The following RFTN2 variants were observed in gnomAD, a reference collection of about 807,000 sequenced individuals.
RFTN2 encodes raftlin-2.
In RFTN2, 34 loss-of-function variants were observed where a neutral mutation model predicts 52.7. The ratio of observed to expected loss-of-function variants is 0.64; its 90% CI spans 0.49 to 0.86. The LOEUF (loss-of-function observed/expected upper bound fraction) is 0.86. Ranked by LOEUF, RFTN2 falls within the 40% of genes least tolerant of loss-of-function variation. The pLI is 0.00. For synonymous variants in RFTN2, 203 were observed against 217.7 expected (o/e 0.93, Z 0.59); for missense variants, 536 against 600.1 (o/e 0.89, Z 1.12).
intron 3 of RFTN2, 76 bp from the exon 4 acceptor site, chr2:197,634,073 G>T: frequency 1.6e-6 from 2 of 1,254,644 alleles, no homozygotes; most frequent in Admixed American, 2.4e-5. Context: ...TAACCTTTAG[G>T]CTTATTGAGG....
Position 197,590,960 on chromosome 2 carries a change from A to C in RFTN2, c.1233+5031T>G, listed in dbSNP as rs576348423. Reference sequence around the variant, plus strand: ...GGGAAGACGAGCCCAGCAGGTTGCCACTGCTGGCTGAGGCAGCCTGCTTTT... The same window carrying C: ...GGGAAGACGAGCCCAGCAGGTTGCCCCTGCTGGCTGAGGCAGCCTGCTTTT... On this transcript the variant is annotated intron_variant, in intron 8 of 8. Coordinates refer to ENST00000295049, the MANE Select transcript of RFTN2 (RefSeq NM_144629.3). Among the ~76,000 whole-genome samples the C allele has an allele frequency of 2.0e-5, 3 of 152,208 alleles. No homozygotes were observed. In the East Asian group the frequency reaches 5.8e-4, roughly 29 times the overall value.
intron 6 of RFTN2, 87 bp from the exon 7 acceptor site, chr2:197,616,066 G>A (rs2088136381): frequency 1.3e-6 from 1 of 748,678 alleles, no homozygotes; most frequent in African/African-American, 1.7e-5. Context: ...GTGTTAGGAT[G>A]AGGGGAGTTC....
At chr2:197,587,264 C>T (rs1054115242) in intron 8 of RFTN2, among the ~76,000 whole-genome samples, 8 of 152,178 alleles carry the variant, frequency 5.3e-5, no homozygotes, top group African/African-American at 1.4e-4. Flanking sequence ...AAACATCGCC[C>T]ATTATCTCTC....
intron 2 of RFTN2, 26 bp downstream of exon 2, chr2:197,646,457 G>T: frequency 1.3e-6 from 2 of 1,573,866 alleles, no homozygotes; most frequent in Middle Eastern, 1.7e-4. Context: ...ACCCTCACCT[G>T]CCTCTTTCTT....
At chr2:197,639,536 T>C (rs2106243596) in intron 3 of RFTN2, among the ~76,000 whole-genome samples, 1 of 139,688 alleles carries the variant, frequency 7.2e-6, no homozygotes, top group East Asian at 2.1e-4. Flanking sequence ...TCGCATTGGC[T>C]CCTGAGGCTT....
At chr2:197,634,703 T>A (rs541383637) in intron 3 of RFTN2, among the ~76,000 whole-genome samples, 77 of 144,904 alleles carry the variant, frequency 5.3e-4, no homozygotes, top group Admixed American at 4.1e-4. Context: ...TTTTTTATTT[T>A]TTTTTTATTT....
intron 1 of RFTN2, among the ~76,000 whole-genome samples, chr2:197,656,673 T>C (rs949730601): frequency 2.0e-5 from 3 of 152,180 alleles, no homozygotes; most frequent in Admixed American, 2.0e-4. Flanking sequence ...TCCAAAAATA[T>C]GGCCTCGTTC....
chr2:197,594,015 C>CTT (rs11352058), intron 8 of RFTN2, among the ~76,000 whole-genome samples: 10 of 95,982 alleles, frequency 1.0e-4, no homozygotes, highest in South Asian at 3.6e-4. Flanking sequence ...CAGAATATTT[C>CTT]TTTTTTTTTT....
Position 197,582,549 on chromosome 2 carries a change from C to T in RFTN2, c.1234-10269G>A, listed in dbSNP as rs184598672. ...GTATCTTCCACATCTATCATTGAGG[C>T]TACCACTCTGCCCCCCTCCACTACC... On this transcript the variant is annotated intron_variant, in intron 8 of 8. Transcript: ENST00000295049. Among the ~76,000 whole-genome samples the T allele has an allele frequency of 3.7e-3, 571 of 152,320 alleles. 41 individuals are homozygous for T. The East Asian group carries it at 0.1, about 28-fold the overall frequency.
intron 3 of RFTN2, among the ~76,000 whole-genome samples, chr2:197,639,327 CAG>C (rs1363756199): frequency 1.3e-5 from 2 of 150,032 alleles, no homozygotes; most frequent in Non-Finnish European, 3.0e-5. Context: ...TAATATCCTG[CAG>C]AGTGTTTTCC....
intron 1 of RFTN2, among the ~76,000 whole-genome samples, chr2:197,664,883 G>A (rs2089029594): frequency 6.6e-6 from 1 of 152,180 alleles, no homozygotes; most frequent in African/African-American, 2.4e-5. Flanking sequence ...TGAAGTTGTT[G>A]GATAAATGTT....
chr2:197,655,877 T>C (rs1326322567), intron 1 of RFTN2, among the ~76,000 whole-genome samples: 1 of 152,174 alleles, frequency 6.6e-6, no homozygotes, highest in Non-Finnish European at 1.5e-5. Flanking sequence ...TACATTAATA[T>C]TCAACTGTTT....
At chr2:197,631,884 G>T (rs1189690212) in intron 4 of RFTN2, among the ~76,000 whole-genome samples, 2 of 152,066 alleles carry the variant, frequency 1.3e-5, no homozygotes, top group Admixed American at 6.6e-5. Context: ...TAACATCACC[G>T]GTATGACAGA....
chr2:197,638,158 A>C (rs2088600452), intron 3 of RFTN2, among the ~76,000 whole-genome samples: 2 of 140,638 alleles, frequency 1.4e-5, no homozygotes, highest in Non-Finnish European at 3.1e-5. Flanking sequence ...TTTACTTCCA[A>C]CTATGTGGTC....
At chr2:197,591,938 C>T (rs2087722231) in intron 8 of RFTN2, among the ~76,000 whole-genome samples, 1 of 152,050 alleles carries the variant, frequency 6.6e-6, no homozygotes, top group South Asian at 2.1e-4. Flanking sequence ...CCACGCCTCT[C>T]CCTCCACCCC....
chr2:197,608,449 C>G (rs1003962651), intron 7 of RFTN2, among the ~76,000 whole-genome samples: 1 of 151,456 alleles, frequency 6.6e-6, no homozygotes, highest in African/African-American at 2.4e-5. Context: ...GTAGCTGGAA[C>G]TACAGGTGCA....
intron 8 of RFTN2, among the ~76,000 whole-genome samples, chr2:197,587,781 C>T (rs1281367952): frequency 6.6e-6 from 1 of 152,228 alleles, no homozygotes; most frequent in Non-Finnish European, 1.5e-5. Context: ...CTACCCCACC[C>T]TCATTTCACA....
intron 8 of RFTN2, among the ~76,000 whole-genome samples, chr2:197,594,815 G>C (rs2087771553): frequency 6.6e-6 from 1 of 152,078 alleles, no homozygotes; most frequent in African/African-American, 2.4e-5. Flanking sequence ...TACTGACCCA[G>C]CCAGCCTCTT....
In RFTN2 at chr2:197,569,466, T is replaced by G. The variant is rs2087282276; in HGVS notation, c.*2542A>C. The G allele has an allele frequency of 6.6e-6, 1 of 152,188 alleles. No homozygotes were observed. Among genetic ancestry groups the G allele is most frequent in the Admixed American group, 6.5e-5 (1 of 15,276 alleles). The allele number at this position is 152,188 out of a possible 1,614,324, so 9.4% of individuals were successfully genotyped here. A position where few individuals can be genotyped will look rare whatever the true frequency, so the allele number is the denominator to read the frequency against. ...ATAAATTATTCGCTATCATACAAAT[T>G]CATCACATAACTTAAGGGTAATTGT... is the stretch of plus-strand genomic sequence containing the variant. On this transcript the variant is annotated 3_prime_UTR_variant, in exon 9 of 9. Transcript: ENST00000295049.
Sources: gnomAD v4.1 joint callset for allele counts (sites outside exome capture counted in the v4.1 genomes callset) on GRCh38, gnomAD v4.1.1 for gene constraint, MANE v1.5 for transcripts, NCBI Gene and HGNC (gene_info 2026-07-23, HGNC 2026-07-21) for gene names.